The following USP14 variants were observed in gnomAD, a reference collection of about 807,000 sequenced individuals.
The protein encoded by USP14 is ubiquitin specific peptidase 14.
A neutral mutation model predicts 76.5 loss-of-function variants in USP14; 38 were observed. The ratio of observed to expected loss-of-function variants is 0.50; its 90% CI spans 0.38 to 0.65. The LOEUF is 0.65. Among genes scored for constraint, USP14 ranks in the 30% least tolerant of loss-of-function variants. The pLI, the probability that USP14 is intolerant of heterozygous loss-of-function variation, is 0.00. For synonymous variants in USP14, 192 were observed against 191.7 expected (o/e 1.00, Z -0.01); for missense variants, 467 against 586.5 (o/e 0.80, Z 2.10).
chr18:199,891 C>G (rs990285906), intron 10 of USP14, among the ~76,000 whole-genome samples: 11 of 152,162 alleles, frequency 7.2e-5, no homozygotes, highest in Admixed American at 4.6e-4. Context: ...TTCATTGATT[C>G]AGTGCTTGTG....
chr18:167,090 GA>G (rs917763211), intron 3 of USP14, among the ~76,000 whole-genome samples: 14 of 151,338 alleles, frequency 9.3e-5, no homozygotes, highest in African/African-American at 2.7e-4. Context: ...TAAAAGCCTT[GA>G]AAAAAAAATT....
chr18:158,676 G>A lies in USP14; in HGVS notation c.-23G>A. The A allele has an allele frequency of 6.6e-7, 1 of 1,517,666 alleles. No homozygotes were observed. Among genetic ancestry groups the A allele is most frequent in the East Asian group, 2.7e-5 (1 of 37,346 alleles). The allele number at this position is 1,517,666 out of a possible 1,614,324, so 94.0% of individuals were successfully genotyped here. On this transcript the variant is annotated 5_prime_UTR_variant, in exon 1 of 16. Transcript: ENST00000261601. ...TCGTCAGGCCCAGCTCTCCTGCGCC[G>A]CCGCCTCCCGCCGCGCCCCGCCATG...
At chr18:159,598 C>A (rs752923045) in intron 1 of USP14, among the ~76,000 whole-genome samples, 9 of 152,082 alleles carry the variant, frequency 5.9e-5, no homozygotes, top group African/African-American at 2.4e-5. Flanking sequence ...AAGCATGATA[C>A]GAATCAAGAG....
chr18:158,713 C>A lies in USP14; in HGVS notation c.15C>A (p.Ser5=), dbSNP rs756443935. ...CGCGCCCCGCCATGCCGCTCTACTC[C>A]GGTGAGCCCTGTCCTGGCCTCGCGC... is the stretch of plus-strand genomic sequence containing the variant. MPLY[S]VTVKWGKEKF... The change falls in exon 1 of 16, where the codon TCC becomes TCA. Residue 5 remains serine (S), a splice_region_variant and synonymous_variant. Transcript: ENST00000261601. 2 of 1,533,934 alleles carry A rather than the reference C, an allele frequency of 1.3e-6. No individual in the cohort carries two copies. The highest frequency in any genetic ancestry group is 1.4e-5 in the African/African-American group (1 of 69,842).
At chr18:203,977 G>C (rs1489573636) in intron 12 of USP14, among the ~76,000 whole-genome samples, 1 of 152,058 alleles carries the variant, frequency 6.6e-6, no homozygotes, top group African/African-American at 2.4e-5. Flanking sequence ...TTTTTGTTGA[G>C]TTGTAGTTCT....
At chr18:197,335 C>T (rs1172362197) in intron 7 of USP14, among the ~76,000 whole-genome samples, 4 of 152,150 alleles carry the variant, frequency 2.6e-5, no homozygotes, top group Non-Finnish European at 5.9e-5. Flanking sequence ...TGCTTTTTTT[C>T]GCTTCATAAC....
intron 6 of USP14, among the ~76,000 whole-genome samples, 177 bp downstream of exon 6, chr18:193,077 A>G (rs768471673): frequency 9.9e-5 from 15 of 152,190 alleles, no homozygotes; most frequent in Non-Finnish European, 1.6e-4. Flanking sequence ...TTATAAATCA[A>G]TGATGTCTGT....
intron 1 of USP14, among the ~76,000 whole-genome samples, chr18:162,674 G>A (rs538679543): frequency 6.6e-5 from 10 of 152,190 alleles, no homozygotes; most frequent in South Asian, 2.1e-4. Flanking sequence ...TGGGGGCTGC[G>A]AAACTTATCA....
chr18:161,177 C>T (rs1177828840), intron 1 of USP14, among the ~76,000 whole-genome samples: 8 of 152,236 alleles, frequency 5.3e-5, no homozygotes, highest in African/African-American at 1.9e-4. Context: ...ATCCACCTGC[C>T]TTGGCCTTCC....
rs1038979609 is a variant in USP14, at chr18:179,104, C to G, written c.300+67C>G. On this transcript the variant is annotated intron_variant, in intron 4 of 15. Coordinates refer to ENST00000261601, the MANE Select transcript of USP14 (RefSeq NM_005151.4). ...GAAGGACCATTATTAAGGTGTCTTT[C>G]AGAAAGTAGCATCTGAATGTCTTGA... The G allele has an allele frequency of 6.5e-6, 7 of 1,072,002 alleles. No individual in the cohort carries two copies. The African/African-American group carries it at 1.1e-4, about 17-fold the overall frequency. The allele number at this position is 1,072,002 out of a possible 1,614,324, so 66.4% of individuals were successfully genotyped here. A position where few individuals can be genotyped will look rare whatever the true frequency, so the allele number is the denominator to read the frequency against.
In USP14 at chr18:167,720, T is replaced by C. The variant is rs149725854; in HGVS notation, c.195+901T>C. ...TGTAGAGATGGGGGTGTCACTATGT[T>C]GCCCAGGCTGGTCTTGAACTCCAGG... On this transcript the variant is annotated intron_variant, in intron 3 of 15. Coordinates refer to ENST00000261601, the MANE Select transcript of USP14 (RefSeq NM_005151.4). Among the ~76,000 whole-genome samples the C allele has an allele frequency of 5.3e-3, 810 of 152,182 alleles. 4 individuals carry two copies. Among genetic ancestry groups the C allele is most frequent in the African/African-American group, 0.018 (728 of 41,514 alleles).
chr18:175,464 T>C (rs898149011), intron 3 of USP14, among the ~76,000 whole-genome samples: 1 of 152,200 alleles, frequency 6.6e-6, no homozygotes, highest in African/African-American at 2.4e-5. Context: ...AAGTTGAATT[T>C]TGTCATTTTG....
At chr18:158,874 C>G in intron 1 of USP14, 160 bp downstream of exon 1, 1 of 1,154,896 alleles carries the variant, frequency 8.7e-7, no homozygotes, top group Non-Finnish European at 1.1e-6. Flanking sequence ...CGTCCCCTCT[C>G]CCGGCTGGGT....
intron 1 of USP14, among the ~76,000 whole-genome samples, chr18:159,774 T>C (rs1346291693): frequency 6.6e-6 from 1 of 152,204 alleles, no homozygotes; most frequent in Non-Finnish European, 1.5e-5. Context: ...AAAACCCCTC[T>C]GTTTCCTCAA....
chr18:178,706 A>G (rs1433077762), intron 3 of USP14, among the ~76,000 whole-genome samples: 1 of 152,152 alleles, frequency 6.6e-6, no homozygotes, highest in Non-Finnish European at 1.5e-5. Context: ...ACCACAGTCT[A>G]ATTTTAGAGC....
At chr18:165,486 G>C (rs1909244799) in intron 2 of USP14, among the ~76,000 whole-genome samples, 1 of 152,164 alleles carries the variant, frequency 6.6e-6, no homozygotes, top group African/African-American at 2.4e-5. Context: ...ATGCTGTCGA[G>C]AATTATAGAA....
intron 8 of USP14, 45 bp downstream of exon 8, chr18:197,741 ATTTTT>A: frequency 7.7e-7 from 1 of 1,299,560 alleles, no homozygotes; most frequent in Non-Finnish European, 1.1e-6. Context: ...TTATACCTTG[ATTTTT>A]TTTTTTATTT....
intron 3 of USP14, among the ~76,000 whole-genome samples, chr18:173,675 G>C (rs370896806): frequency 1.3e-5 from 2 of 152,028 alleles, no homozygotes; most frequent in Non-Finnish European, 2.9e-5. Context: ...CGCCCACCTC[G>C]GCCTCCCAAA....
chr18:177,696 G>A (rs1365065751), intron 3 of USP14, among the ~76,000 whole-genome samples: 2 of 144,738 alleles, frequency 1.4e-5, no homozygotes, highest in Non-Finnish European at 3.0e-5. Flanking sequence ...ATGTGTTCAT[G>A]CCTTCCAATT....
Sources: gnomAD v4.1 joint callset for allele counts (sites outside exome capture counted in the v4.1 genomes callset) on GRCh38, gnomAD v4.1.1 for gene constraint, MANE v1.5 for transcripts, NCBI Gene and HGNC (gene_info 2026-07-23, HGNC 2026-07-21) for gene names.